Variants in POGLUT1 observed in about 807,000 individuals in gnomAD.
POGLUT1 encodes 9630046K23Rik.
A neutral mutation model predicts 61.3 loss-of-function variants in POGLUT1; 32 were observed. The ratio of observed to expected loss-of-function variants is 0.52; its 90% confidence interval spans 0.39 to 0.70. The LOEUF is 0.70. Ranked by LOEUF, POGLUT1 falls within the 30% of genes least tolerant of loss-of-function variation. POGLUT1 has a pLI of 0.00. For synonymous variants in POGLUT1, 158 were observed against 158.2 expected, an observed-to-expected ratio of 1.00 and a Z score of 0.01; for missense variants, 411 against 469.8, an observed-to-expected ratio of 0.87 and a Z score of 1.16.
chr3:119,485,367 A>G lies in POGLUT1; in HGVS notation c.618A>G (p.Thr206=). The G allele has an allele frequency of 6.2e-7, 1 of 1,607,966 alleles. No homozygotes were observed. The highest frequency in any genetic ancestry group is 8.5e-7 in the Non-Finnish European group (1 of 1,174,774). The change falls in exon 6 of 11, where the codon ACA becomes ACG. Residue 206 remains threonine (T), a synonymous_variant. Transcript: ENST00000295588. ...AQWPWKKKNS[T]AYFRGSRTSP... ...GGCCATGGAAAAAGAAAAACTCTACAGCATATTTCCGAGGATCAAGGTGAG... is the reference window on the plus strand; with the variant it reads ...GGCCATGGAAAAAGAAAAACTCTACGGCATATTTCCGAGGATCAAGGTGAG...
Position 119,490,573 on chromosome 3 carries a change from G to A in POGLUT1, c.820G>A (p.Val274Ile), listed in dbSNP as rs776985194. The change falls in exon 9 of 11, where the codon GTA becomes ATA. Residue 274 changes from valine (V) to isoleucine (I), a missense_variant. Physicochemically the swap from Val to Ile is conservative, Grantham distance 29. Coordinates refer to ENST00000295588, the MANE Select transcript of POGLUT1 (RefSeq NM_152305.3). ...CAGGTATCTGTTTAATTTTCGAGGC[G>A]TAGCTGCAAGTTTCCGGTTTAAACA... is the stretch of plus-strand genomic sequence containing the variant. ...KYKYLFNFRG[V>I]AASFRFKHLF... 6.8e-6 allele frequency: 11 copies of A among 1,613,938 alleles called. No homozygotes were observed. Among genetic ancestry groups the A allele is most frequent in the East Asian group, 6.7e-5 (3 of 44,890 alleles).
chr3:119,479,137 C>T (rs2081577380), intron 4 of POGLUT1, among the ~76,000 whole-genome samples: 1 of 151,956 alleles, frequency 6.6e-6, no homozygotes. Flanking sequence ...ACCATGTTGA[C>T]CAGGCTGATT....
chr3:119,470,045 TC>T, intron 2 of POGLUT1, 135 bp downstream of exon 2: 1 of 643,706 alleles, frequency 1.6e-6, no homozygotes, highest in Non-Finnish European at 2.8e-6. Context: ...ATAAAAATGC[TC>T]TCGCATGGGA....
In POGLUT1 at chr3:119,471,343, G is replaced by A. The variant is rs1001425015; in HGVS notation, c.211G>A (p.Gly71Ser). 7 of 1,613,710 alleles carry A rather than the reference G, an allele frequency of 4.3e-6. 1 individual carries two copies. Among genetic ancestry groups the A allele is most frequent in the Non-Finnish European group, 5.1e-6 (6 of 1,179,740 alleles). Reference sequence around the variant, plus strand: ...AGAGGATCTAACTCCTTTCCGAGGAGGCATCTCCAGGAAGATGATGGCAGA... The same window carrying A: ...AGAGGATCTAACTCCTTTCCGAGGAAGCATCTCCAGGAAGATGATGGCAGA... ...IEEDLTPFRG[G>S]ISRKMMAEVV... Residue 71 changes from glycine to serine, a missense_variant, in exon 3 of 11, where the codon GGC becomes AGC. Transcript: ENST00000295588.
chr3:119,486,799 CCA>C, intron 6 of POGLUT1, 32 bp from the exon 7 acceptor site: 2 of 1,400,500 alleles, frequency 1.4e-6, no homozygotes, highest in Non-Finnish European at 2.0e-6. Context: ...CTAATACAGG[CCA>C]CACAGTTTTA....
chr3:119,486,418 A>G (rs2081664363), intron 6 of POGLUT1, among the ~76,000 whole-genome samples: 1 of 152,080 alleles, frequency 6.6e-6, no homozygotes, highest in South Asian at 2.1e-4. Context: ...TAAATATTAT[A>G]CTGGGCTGTA....
intron 3 of POGLUT1, among the ~76,000 whole-genome samples, chr3:119,475,308 A>G (rs950738046): frequency 5.9e-5 from 9 of 152,200 alleles, no homozygotes; most frequent in Non-Finnish European, 1.0e-4. Flanking sequence ...TCACTTTTTC[A>G]TGGCTGCATA....
At chr3:119,488,863 T>A (rs979247054) in intron 7 of POGLUT1, 66 bp from the exon 8 acceptor site, 2 of 838,924 alleles carry the variant, frequency 2.4e-6, no homozygotes, top group African/African-American at 3.3e-5. Flanking sequence ...TTAACAATGC[T>A]TGCTGCACAG....
chr3:119,493,421 T>C lies in POGLUT1; in HGVS notation c.*983T>C, dbSNP rs989543741. 6.6e-6 allele frequency: 1 copy of C among 152,224 alleles called. No homozygotes were observed. Among genetic ancestry groups the C allele is most frequent in the Non-Finnish European group, 1.5e-5 (1 of 68,036 alleles). The allele number at this position is 152,224 out of a possible 1,614,324, so 9.4% of individuals were successfully genotyped here. On this transcript the variant is annotated 3_prime_UTR_variant, in exon 11 of 11. Transcript: ENST00000295588. ...TGATGGAGTGCCTCCCTTTTCCTTT[T>C]TTCACTTTTTGAAAAAGATGTTTTG...
chr3:119,483,880 A>C (rs143960608), intron 5 of POGLUT1, among the ~76,000 whole-genome samples: 11 of 152,344 alleles, frequency 7.2e-5, no homozygotes, highest in Admixed American at 7.2e-4. Flanking sequence ...CCCAGTTGAA[A>C]GCTACTAATA....
intron 4 of POGLUT1, among the ~76,000 whole-genome samples, chr3:119,478,901 A>AG (rs1383239811): frequency 7.3e-6 from 1 of 137,184 alleles, no homozygotes; most frequent in African/African-American, 2.7e-5. Flanking sequence ...AAAAAAAAAA[A>AG]AAAGGGGGGA....
At chr3:119,483,307 A>G (rs2081627591) in intron 5 of POGLUT1, among the ~76,000 whole-genome samples, 1 of 152,240 alleles carries the variant, frequency 6.6e-6, no homozygotes, top group Non-Finnish European at 1.5e-5. Flanking sequence ...GTGAATCATA[A>G]CATGACTATA....
In POGLUT1 at chr3:119,468,994, C is replaced by A; in HGVS notation, c.-28C>A. 1.3e-6 allele frequency: 2 copies of A among 1,588,254 alleles called. No homozygotes were observed. The highest frequency in any genetic ancestry group is 1.7e-6 in the Non-Finnish European group (2 of 1,166,160). On this transcript the variant is annotated 5_prime_UTR_variant, in exon 1 of 11. Transcript: ENST00000295588. ...GGCCGCGCTTCCGCCAGCGCCGCAG[C>A]GGGGAATCTGCAGTAGGTCTGCCGG... is the stretch of plus-strand genomic sequence containing the variant.
intron 6 of POGLUT1, 143 bp downstream of exon 6, chr3:119,485,530 C>T (rs1375091900): frequency 1.6e-5 from 9 of 564,906 alleles, no homozygotes; most frequent in South Asian, 5.2e-5. Flanking sequence ...ATTTTAGATT[C>T]GAGAATAATT....
chr3:119,471,264 C>T (rs752860879), intron 2 of POGLUT1, 45 bp from the exon 3 acceptor site: 1 of 1,593,476 alleles, frequency 6.3e-7, no homozygotes, highest in South Asian at 1.1e-5. Context: ...GGAATGGCAC[C>T]ACTCTCTTGG....
At chr3:119,477,579 T>C in intron 4 of POGLUT1, 131 bp downstream of exon 4, 1 of 803,968 alleles carries the variant, frequency 1.2e-6, no homozygotes, top group Non-Finnish European at 2.0e-6. Context: ...AATGGGTCTG[T>C]GTCTCTATTA....
chr3:119,488,610 G>A, intron 7 of POGLUT1: 1 of 194,716 alleles, frequency 5.1e-6, no homozygotes, highest in Admixed American at 5.5e-5. Flanking sequence ...TATTTACACA[G>A]AGTGAAGTGT....
chr3:119,479,825 C>A (rs1196761142), intron 4 of POGLUT1: 1 of 1,060,682 alleles, frequency 9.4e-7, no homozygotes. Flanking sequence ...AAAAAGCTGA[C>A]CTTTAATGTG....
intron 3 of POGLUT1, 33 bp from the exon 4 acceptor site, chr3:119,477,280 C>T (rs753478195): frequency 4.2e-5 from 67 of 1,611,488 alleles, no homozygotes; most frequent in Non-Finnish European, 5.7e-5. Flanking sequence ...GCAGGCACTA[C>T]TCTGCTGAAT....
Sources: allele counts gnomAD v4.1 joint callset (sites outside exome capture counted in the v4.1 genomes callset), GRCh38; gene constraint gnomAD v4.1.1; transcripts MANE v1.5; gene names NCBI Gene and HGNC (gene_info 2026-07-23, HGNC 2026-07-21).